Variants in SDCCAG8 observed in about 807,000 individuals in gnomAD.
SDCCAG8 encodes serologically defined colon cancer antigen 8.
SDCCAG8 carries 74 observed loss-of-function variants against 101.8 expected under a neutral mutation model. The observed-to-expected ratio is 0.73, with a 90% CI of 0.60 to 0.88. SDCCAG8 has a LOEUF of 0.88. Ranked by LOEUF, SDCCAG8 falls within the 40% of genes least tolerant of loss-of-function variation. The pLI, the probability that SDCCAG8 is intolerant of heterozygous loss-of-function variation, is 0.00. For synonymous variants in SDCCAG8, 281 were observed against 292.9 expected (o/e 0.96, Z 0.41); for missense variants, 787 against 822.6 (o/e 0.96, Z 0.53).
At chr1:243,261,482 AAAGAT>A (rs1239179890) in intron 1 of SDCCAG8, among the ~76,000 whole-genome samples, 1 of 152,244 alleles carries the variant, frequency 6.6e-6, no homozygotes, top group African/African-American at 2.4e-5. Flanking sequence ...CAAGAAAACC[AAAGAT>A]AAGGTTGACT....
At chr1:243,418,188 C>G in intron 15 of SDCCAG8, 112 bp downstream of exon 15, 1 of 739,662 alleles carries the variant, frequency 1.4e-6, no homozygotes. Context: ...AATTAGGTAT[C>G]TGCTGATGTT....
At chr1:243,341,333 G>A (rs1047982193) in intron 11 of SDCCAG8, among the ~76,000 whole-genome samples, 160 bp downstream of exon 11, 2 of 152,238 alleles carry the variant, frequency 1.3e-5, no homozygotes, top group Non-Finnish European at 2.9e-5. Context: ...TGGTTACTCA[G>A]CAAACATTCA....
intron 8 of SDCCAG8, among the ~76,000 whole-genome samples, chr1:243,312,711 A>T (rs2072861798): frequency 6.6e-6 from 1 of 151,098 alleles, no homozygotes; most frequent in Non-Finnish European, 1.5e-5. Context: ...GTCTCCAAAA[A>T]AAAAAAAAAA....
intron 16 of SDCCAG8, among the ~76,000 whole-genome samples, chr1:243,443,394 G>T (rs1054797604): frequency 1.3e-5 from 2 of 152,180 alleles, no homozygotes; most frequent in Non-Finnish European, 2.9e-5. Context: ...TTGTTGCTCT[G>T]CCAGAGGTTG....
chr1:243,438,304 C>T (rs2082284023), intron 16 of SDCCAG8, among the ~76,000 whole-genome samples: 1 of 152,190 alleles, frequency 6.6e-6, no homozygotes, highest in African/African-American at 2.4e-5. Flanking sequence ...AGGTTGGCTG[C>T]TTTCCTTTTA....
At chr1:243,397,237 A>G (rs2079081507) in intron 13 of SDCCAG8, among the ~76,000 whole-genome samples, 1 of 152,244 alleles carries the variant, frequency 6.6e-6, no homozygotes, top group African/African-American at 2.4e-5. Flanking sequence ...AAAACTGCAC[A>G]GTGGGGTAGC....
At chr1:243,308,313 G>T in intron 8 of SDCCAG8, 136 bp downstream of exon 8, 1 of 1,044,906 alleles carries the variant, frequency 9.6e-7, no homozygotes, top group Middle Eastern at 2.0e-4. Context: ...GATTTTAAAA[G>T]GTTCCTTCAT....
intron 13 of SDCCAG8, among the ~76,000 whole-genome samples, chr1:243,414,910 A>C (rs2080463376): frequency 6.6e-6 from 1 of 151,764 alleles, no homozygotes; most frequent in Non-Finnish European, 1.5e-5. Context: ...GTCAGTATCC[A>C]CAGTGCTGCC....
At chr1:243,304,069 T>C (rs1316930964) in intron 6 of SDCCAG8, among the ~76,000 whole-genome samples, 2 of 138,382 alleles carry the variant, frequency 1.4e-5, no homozygotes, top group Non-Finnish European at 3.2e-5. Context: ...TGAGACTCTG[T>C]CTCAAAAAAA....
intron 13 of SDCCAG8, among the ~76,000 whole-genome samples, chr1:243,411,649 G>GT (rs1385783053): frequency 3.9e-5 from 6 of 152,102 alleles, no homozygotes; most frequent in Non-Finnish European, 8.8e-5. Flanking sequence ...GTCCCTTAGT[G>GT]TTTACTTTTC....
At chr1:243,450,465 C>T (rs2083265579) in intron 16 of SDCCAG8, among the ~76,000 whole-genome samples, 1 of 152,150 alleles carries the variant, frequency 6.6e-6, no homozygotes, top group Non-Finnish European at 1.5e-5. Flanking sequence ...ATACCTATTA[C>T]ATGATAGGAA....
At chr1:243,271,878 A>G (rs1011970122) in intron 3 of SDCCAG8, among the ~76,000 whole-genome samples, 1 of 152,188 alleles carries the variant, frequency 6.6e-6, no homozygotes, top group African/African-American at 2.4e-5. Context: ...AATGTTCTAT[A>G]TGTTAAAATA....
chr1:243,474,035 G>A lies in SDCCAG8; in HGVS notation c.1986-14979G>A, dbSNP rs1661826876. 6.6e-6 allele frequency among the ~76,000 whole-genome samples: 1 copy of A among 150,752 alleles called. No homozygotes were observed. Among genetic ancestry groups the A allele is most frequent in the Admixed American group, 6.6e-5 (1 of 15,040 alleles). On this transcript the variant is annotated intron_variant, in intron 16 of 17. Transcript: ENST00000366541. This position sits in a 1 kb window ranked among gnomAD's most constrained non-coding sequence, Gnocchi z 4.7. Reference sequence around the variant, plus strand: ...ACTAACATAGAAATGTAAACGGGTTGCAGTATTTCTTTGGCCTATTAGCCA... The same window carrying A: ...ACTAACATAGAAATGTAAACGGGTTACAGTATTTCTTTGGCCTATTAGCCA...
intron 7 of SDCCAG8, 33 bp from the exon 8 acceptor site, chr1:243,307,956 C>T (rs1159830002): frequency 1.2e-6 from 2 of 1,610,454 alleles, no homozygotes; most frequent in African/African-American, 1.3e-5. Flanking sequence ...TTTTACCTGG[C>T]CATTTTCTAG....
chr1:243,384,590 CCA>C (rs113914411), intron 13 of SDCCAG8, among the ~76,000 whole-genome samples: 195 of 149,432 alleles, frequency 1.3e-3, no homozygotes, highest in Middle Eastern at 3.4e-3. Flanking sequence ...TGTTTAAAAA[CCA>C]CACACACACA....
At chr1:243,487,779 T>C (rs1233239861) in intron 16 of SDCCAG8, 2 of 152,220 alleles carry the variant, frequency 1.3e-5, no homozygotes, top group East Asian at 1.9e-4. Flanking sequence ...CGGCTCTGCC[T>C]GGGCGGGGTC....
intron 12 of SDCCAG8, among the ~76,000 whole-genome samples, chr1:243,344,707 C>A (rs950627906): frequency 6.6e-6 from 1 of 152,058 alleles, no homozygotes; most frequent in Non-Finnish European, 1.5e-5. Flanking sequence ...GTTTAAAATT[C>A]GTAAGATGAG....
At chr1:243,489,722 T>C (rs962456300) in intron 17 of SDCCAG8, among the ~76,000 whole-genome samples, 1 of 152,184 alleles carries the variant, frequency 6.6e-6, no homozygotes, top group African/African-American at 2.4e-5. Context: ...ATTGTCTTCA[T>C]GGTTTAGATA....
intron 9 of SDCCAG8, among the ~76,000 whole-genome samples, chr1:243,322,181 A>T (rs527784917): frequency 6.6e-6 from 1 of 152,220 alleles, no homozygotes; most frequent in African/African-American, 2.4e-5. Flanking sequence ...ACTGGCTTTT[A>T]AGAAAAGAAA....
Sources: gnomAD v4.1 joint callset for allele counts (sites outside exome capture counted in the v4.1 genomes callset) on GRCh38, gnomAD v4.1.1 for gene constraint, Gnocchi (gnomAD v3.1) non-coding constraint, MANE v1.5 for transcripts, NCBI Gene and HGNC (gene_info 2026-07-23, HGNC 2026-07-21) for gene names.